PPARGC1B: variants seen among roughly 807,000 people sequenced by gnomAD.
The protein encoded by PPARGC1B is peroxisome proliferator-activated receptor gamma coactivator 1-beta.
A neutral mutation model predicts 101.6 loss-of-function variants in PPARGC1B; 34 were observed. That is an observed-to-expected ratio of 0.33 (90% CI 0.25 to 0.45). The LOEUF (loss-of-function observed/expected upper bound fraction) is 0.45, where lower values mean the gene tolerates loss of function less well. Ranked by LOEUF, PPARGC1B falls within the 20% of genes least tolerant of loss-of-function variation. PPARGC1B has a pLI of 1.00. For missense variants in PPARGC1B, 1,234 were observed against 1,317.6 expected, an observed-to-expected ratio of 0.94 and a Z score of 0.98; for synonymous variants, 548 against 539.3, an observed-to-expected ratio of 1.02 and a Z score of -0.22.
chr5:149,734,524 TAATC>T (rs896859512), intron 1 of PPARGC1B, among the ~76,000 whole-genome samples: 2 of 152,092 alleles, frequency 1.3e-5, no homozygotes, highest in African/African-American at 4.8e-5. Context: ...TGTATTTAAT[TAATC>T]CTTTATCGTT....
rs1304375207 is a variant in PPARGC1B at position 149,849,860 on chromosome 5, G to A, written c.*2302G>A. 1 of 152,244 alleles carries A rather than the reference G, an allele frequency of 6.6e-6. No homozygotes were observed. The allele number at this position is 152,244 out of a possible 1,614,324, so 9.4% of individuals were successfully genotyped here. ...ATTTGGGGAAGGCAGGGCTTAGGAA[G>A]ATGGACCAAAAAGGGACTTCCCACA... is the stretch of plus-strand genomic sequence containing the variant. On this transcript the variant is annotated 3_prime_UTR_variant, in exon 12 of 12. Transcript: ENST00000309241.
rs1330285357 is a variant in PPARGC1B, at chr5:149,847,996, G to C, written c.*438G>C. On this transcript the variant is annotated 3_prime_UTR_variant, in exon 12 of 12. Coordinates refer to ENST00000309241, the MANE Select transcript of PPARGC1B (RefSeq NM_133263.4). Reference sequence around the variant, plus strand: ...ACTTCATTTTTAATTGAAAAAAAAAGTATATCCTTAAAATAATGTATTTAT... The same window carrying C: ...ACTTCATTTTTAATTGAAAAAAAAACTATATCCTTAAAATAATGTATTTAT... 1 of 179,596 alleles carries C rather than the reference G, an allele frequency of 5.6e-6. No individual in the cohort carries two copies. Among genetic ancestry groups the C allele is most frequent in the East Asian group, 1.4e-4 (1 of 7,008 alleles). The allele number at this position is 179,596 out of a possible 1,614,324, so 11.1% of individuals were successfully genotyped here. A position where few individuals can be genotyped will look rare whatever the true frequency, so the allele number is the denominator to read the frequency against.
intron 1 of PPARGC1B, among the ~76,000 whole-genome samples, chr5:149,812,606 G>A (rs1179238912): frequency 6.6e-6 from 1 of 152,202 alleles, no homozygotes; most frequent in East Asian, 1.9e-4. Context: ...TATTTTATTG[G>A]GAATCTATCT....
chr5:149,737,646 A>C (rs1754771068), intron 1 of PPARGC1B, among the ~76,000 whole-genome samples: 1 of 152,228 alleles, frequency 6.6e-6, no homozygotes, highest in Non-Finnish European at 1.5e-5. Flanking sequence ...TTGGCGGGTC[A>C]CATAACCTTT....
rs141027780 is a variant in PPARGC1B at position 149,826,741 on chromosome 5, C to T, written c.321C>T (p.Asp107=). The T allele has an allele frequency of 2.5e-4, 409 of 1,613,898 alleles. 1 individual carries two copies. The highest frequency in any genetic ancestry group is 3.2e-4 in the Non-Finnish European group (374 of 1,179,996). ...CCCTGGATGACATCCCTGAAGATGACGTGGGTCTGGCTGCCTTCCCAGCCC... is the reference window on the plus strand; with the variant it reads ...CCCTGGATGACATCCCTGAAGATGATGTGGGTCTGGCTGCCTTCCCAGCCC... ...TKTLDDIPED[D]VGLAAFPALD... The change falls in exon 3 of 12, where the codon GAC becomes GAT. Residue 107 remains aspartate, a synonymous_variant. Coordinates refer to ENST00000309241, the MANE Select transcript of PPARGC1B (RefSeq NM_133263.4).
chr5:149,814,700 T>C (rs1464246276), intron 1 of PPARGC1B, among the ~76,000 whole-genome samples: 1 of 152,260 alleles, frequency 6.6e-6, no homozygotes, highest in East Asian at 1.9e-4. Flanking sequence ...AGATGCATTC[T>C]TTCTTAAGCA....
At chr5:149,842,068 C>G (rs1297483705) in intron 9 of PPARGC1B, among the ~76,000 whole-genome samples, 188 bp from the exon 10 acceptor site, 2 of 152,216 alleles carry the variant, frequency 1.3e-5, no homozygotes, top group African/African-American at 4.8e-5. Context: ...CCTTCCAACA[C>G]CCTCCCCTAA....
At chr5:149,758,340 C>A (rs1168509951) in intron 1 of PPARGC1B, among the ~76,000 whole-genome samples, 1 of 152,236 alleles carries the variant, frequency 6.6e-6, no homozygotes, top group Non-Finnish European at 1.5e-5. Flanking sequence ...ATTTATTTAA[C>A]AAATGCTTAC....
intron 1 of PPARGC1B, among the ~76,000 whole-genome samples, chr5:149,774,542 G>T (rs1026562795): frequency 6.6e-6 from 1 of 151,920 alleles, no homozygotes; most frequent in Non-Finnish European, 1.5e-5. Context: ...GAGCATTAGC[G>T]GGGATTGGGA....
rs1354269832 is a variant in PPARGC1B at position 149,833,202 on chromosome 5, C to T, written c.1129C>T (p.Pro377Ser). The change falls in exon 5 of 12, where the codon CCC becomes TCC. Residue 377 changes from proline (P) to serine (S), a missense_variant. Coordinates refer to ENST00000309241, the MANE Select transcript of PPARGC1B (RefSeq NM_133263.4). The surrounding 1 kb of genome is among the most constrained non-coding windows in gnomAD (Gnocchi z 4.1). ...ASLTPRSRPR[P>S]PKDSQASPGR... is the part of the protein sequence containing the mutation. The stretch of plus-strand genomic sequence containing the variant: ...CCTCACACCTCGGTCAAGGCCCAGG[C>T]CCCCCAAAGACAGTCAGGCCTCCCC... 1.2e-6 allele frequency: 2 copies of T among 1,613,358 alleles called. No homozygotes were observed. The highest frequency in any genetic ancestry group is 2.2e-5 in the East Asian group (1 of 44,870).
chr5:149,812,294 G>C (rs1385190908), intron 1 of PPARGC1B, among the ~76,000 whole-genome samples: 1 of 152,176 alleles, frequency 6.6e-6, no homozygotes, highest in African/African-American at 2.4e-5. Flanking sequence ...GTTTAACTTT[G>C]TGTTTGTGGC....
intron 1 of PPARGC1B, among the ~76,000 whole-genome samples, chr5:149,778,782 T>C (rs899731239): frequency 3.2e-4 from 49 of 152,164 alleles, no homozygotes; most frequent in African/African-American, 1.2e-3. Flanking sequence ...TGACCACAGA[T>C]AAAACCTGGC....
rs1436092824 is a variant in PPARGC1B at position 149,745,905 on chromosome 5, AAG to A, written c.78+15490_78+15491del. On this transcript the variant is annotated intron_variant, in intron 1 of 11. Transcript: ENST00000309241. ...ATTACTTTATGAGTGAATGGGTTGG[AAG>A]AGAGGAGGAAGAAGGCAGCCTGAGA... 2.0e-5 allele frequency among the ~76,000 whole-genome samples: 3 copies of A among 152,102 alleles called. No homozygotes were observed. In the East Asian group the frequency reaches 5.8e-4, roughly 29 times the overall value.
At chr5:149,748,975 G>C (rs923609064) in intron 1 of PPARGC1B, among the ~76,000 whole-genome samples, 1 of 152,144 alleles carries the variant, frequency 6.6e-6, no homozygotes, top group Non-Finnish European at 1.5e-5. Flanking sequence ...GGGATGAATG[G>C]TATCACCCTG....
At position 149,846,180 on chromosome 5, in the gene PPARGC1B, T is replaced by C. The variant is rs45555241; in HGVS notation, c.2971+266T>C. ...CACGGCCTCTAGGAAGATTCAGTCATGTGCACAGCCAGCTGGCAGAACCGT... is the reference window on the plus strand; with the variant it reads ...CACGGCCTCTAGGAAGATTCAGTCACGTGCACAGCCAGCTGGCAGAACCGT... On this transcript the variant is annotated intron_variant, in intron 11 of 11. Transcript: ENST00000309241. 2,231 of 582,758 alleles carry C rather than the reference T, an allele frequency of 3.8e-3. 42 individuals are homozygous for C. The highest frequency in any genetic ancestry group is 0.037 in the African/African-American group (1,966 of 53,788). 36.1% of individuals were successfully genotyped at this position (582,758 alleles called of 1,614,324 possible). A position where few individuals can be genotyped will look rare whatever the true frequency, so the allele number is the denominator to read the frequency against.
chr5:149,845,008 G>A (rs546021902), intron 10 of PPARGC1B, among the ~76,000 whole-genome samples: 2 of 152,166 alleles, frequency 1.3e-5, no homozygotes, highest in Non-Finnish European at 2.9e-5. Context: ...GACCTGAGAT[G>A]GATTCTTTGG....
chr5:149,844,564 G>A (rs530948821), intron 10 of PPARGC1B, among the ~76,000 whole-genome samples: 12 of 152,304 alleles, frequency 7.9e-5, no homozygotes, highest in Admixed American at 3.9e-4. Context: ...GCTTGAACCC[G>A]GAAGGCAGAG....
rs781165662 is a variant in PPARGC1B at position 149,836,930 on chromosome 5, A to T, written c.2475A>T (p.Ser825=). 6.2e-7 allele frequency: 1 copy of T among 1,613,910 alleles called. No individual in the cohort carries two copies. ...AGGAGGACGATGAAGAAGAGGACTCAGGGGTCAGCCCCACTTGCTCTGACC... is the reference window on the plus strand; with the variant it reads ...AGGAGGACGATGAAGAAGAGGACTCTGGGGTCAGCCCCACTTGCTCTGACC... ...EEEEDDEEED[S]GVSPTCSDHC... Residue 825 remains serine, a synonymous_variant, in exon 8 of 12, where the codon TCA becomes TCT. Coordinates refer to ENST00000309241, the MANE Select transcript of PPARGC1B (RefSeq NM_133263.4).
At chr5:149,789,315 T>C (rs897915564) in intron 1 of PPARGC1B, among the ~76,000 whole-genome samples, 1 of 152,152 alleles carries the variant, frequency 6.6e-6, no homozygotes, top group Non-Finnish European at 1.5e-5. Flanking sequence ...AAATGCAAGA[T>C]GGGGGCTTGC....
Sources: gnomAD v4.1 joint callset for allele counts (sites outside exome capture counted in the v4.1 genomes callset) on GRCh38, gnomAD v4.1.1 for gene constraint, Gnocchi (gnomAD v3.1) non-coding constraint, MANE v1.5 for transcripts, NCBI Gene and HGNC (gene_info 2026-07-23, HGNC 2026-07-21) for gene names.